The following SLC45A4 variants were observed in gnomAD, a reference collection of about 807,000 sequenced individuals.
The protein encoded by SLC45A4 is solute carrier family 45 member 4.
A neutral mutation model predicts 63.7 loss-of-function variants in SLC45A4; 32 were observed. The ratio of observed to expected loss-of-function variants is 0.50; its 90% CI spans 0.38 to 0.67. SLC45A4 has a LOEUF of 0.67. Among genes scored for constraint, SLC45A4 ranks in the 30% least tolerant of loss-of-function variants. SLC45A4 has a pLI of 0.00. For synonymous variants in SLC45A4, 535 were observed against 510.0 expected (o/e 1.05, Z -0.66); for missense variants, 1,027 against 1,157.7 (o/e 0.89, Z 1.64).
chr8:141,235,692 A>G (rs1174076838), intron 2 of SLC45A4, among the ~76,000 whole-genome samples: 1 of 152,186 alleles, frequency 6.6e-6, no homozygotes, highest in Non-Finnish European at 1.5e-5. Flanking sequence ...AAAAAACAAA[A>G]CAAACCATGC....
In SLC45A4 at chr8:141,254,253, A is replaced by T; in HGVS notation, c.-24T>A. On this transcript the variant is annotated 5_prime_UTR_variant, in exon 2 of 9. Transcript: ENST00000517878. The surrounding 1 kb of genome is among the most constrained non-coding windows in gnomAD (Gnocchi z 4.5). ...ATTACCACCAAAAATATATGTATTT[A>T]TCTATATATTCTATCTATATAAATA... 6.6e-7 allele frequency: 1 copy of T among 1,511,316 alleles called. No homozygotes were observed. Among genetic ancestry groups the T allele is most frequent in the Admixed American group, 2.1e-5 (1 of 47,178 alleles). 93.6% of individuals were successfully genotyped at this position (1,511,316 alleles called of 1,614,324 possible).
intron 2 of SLC45A4, among the ~76,000 whole-genome samples, chr8:141,231,865 CTGG>C (rs1236548361): frequency 1.3e-5 from 2 of 152,244 alleles, no homozygotes; most frequent in African/African-American, 4.8e-5. Flanking sequence ...TCAACAGCGC[CTGG>C]TGAGGGCAAA....
intron 1 of SLC45A4, among the ~76,000 whole-genome samples, chr8:141,279,036 A>G (rs1398922851): frequency 6.6e-6 from 1 of 151,874 alleles, no homozygotes; most frequent in Non-Finnish European, 1.5e-5. Context: ...CCTGGCTTCC[A>G]CACCTTCCAG....
intron 1 of SLC45A4, among the ~76,000 whole-genome samples, chr8:141,297,729 T>C (rs1202415316): frequency 3.9e-5 from 6 of 152,252 alleles, no homozygotes; most frequent in African/African-American, 1.4e-4. Context: ...ATCTAGGAAA[T>C]GGCAAAATGC....
chr8:141,237,482 G>T (rs563311490), intron 2 of SLC45A4, among the ~76,000 whole-genome samples: 1 of 152,308 alleles, frequency 6.6e-6, no homozygotes, highest in South Asian at 2.1e-4. Context: ...CTTTCTGTCT[G>T]CATTGCGCTG....
At chr8:141,255,300 A>C (rs1267717475) in intron 1 of SLC45A4, among the ~76,000 whole-genome samples, 1 of 151,798 alleles carries the variant, frequency 6.6e-6, no homozygotes, top group Non-Finnish European at 1.5e-5. Flanking sequence ...CTGGTATCCA[A>C]CTCCTGGGCT....
At chr8:141,283,962 C>T (rs577112457) in intron 1 of SLC45A4, among the ~76,000 whole-genome samples, 3 of 152,170 alleles carry the variant, frequency 2.0e-5, no homozygotes, top group African/African-American at 7.2e-5. Flanking sequence ...GGAGCTCATG[C>T]CACCTAAAGA....
rs1199910846 is a variant in SLC45A4, at chr8:141,218,516, T to C, written c.1124A>G (p.Asp375Gly). The C allele has an allele frequency of 3.1e-6, 5 of 1,613,498 alleles. No individual in the cohort carries two copies. Residue 375 changes from aspartate (D) to glycine (G), a missense_variant, in exon 5 of 9, where the codon GAT becomes GGT. Coordinates refer to ENST00000517878, the MANE Select transcript of SLC45A4 (RefSeq NM_001286646.2). ...GACTTTAGCTTCATTCAAGTGATTA[T>C]CCAGCAAGGTCTCGTCCTCCTTGGC... ...EAAKEDETLL[D>G]NHLNEAKVPN...
At chr8:141,211,953 C>T in intron 8 of SLC45A4, 1 of 1,271,380 alleles carries the variant, frequency 7.9e-7, no homozygotes, top group Non-Finnish European at 9.9e-7. Flanking sequence ...AAAAATATTT[C>T]AAATGATTCT....
rs146058900 is a variant in SLC45A4 at position 141,228,789 on chromosome 8, A to G, written c.242-7024T>C. Among the ~76,000 whole-genome samples the G allele has an allele frequency of 1.0e-3, 154 of 152,288 alleles. 1 individual carries two copies. Among genetic ancestry groups the G allele is most frequent in the African/African-American group, 3.6e-3 (150 of 41,552 alleles). ...CAATCAGTTCCAGAAGCCAACAGCT[A>G]CCCCAGGCCTTGGAAGAGAGAAAGG... On this transcript the variant is annotated intron_variant, in intron 2 of 8. Coordinates refer to ENST00000517878, the MANE Select transcript of SLC45A4 (RefSeq NM_001286646.2).
intron 1 of SLC45A4, among the ~76,000 whole-genome samples, chr8:141,294,147 G>C (rs548836230): frequency 6.6e-6 from 1 of 152,094 alleles, no homozygotes; most frequent in Non-Finnish European, 1.5e-5. Flanking sequence ...CAGGGTCTCC[G>C]TGGACCAGGG....
rs1336448161 is a variant in SLC45A4, at chr8:141,256,973, C to A, written c.-400-2344G>T. Among the ~76,000 whole-genome samples, 1 of 152,084 alleles carries A rather than the reference C, an allele frequency of 6.6e-6. No homozygotes were observed. Among genetic ancestry groups the A allele is most frequent in the Non-Finnish European group, 1.5e-5 (1 of 68,032 alleles). ...GCTTCAAGCGATTCTCCCGCCTCAG[C>A]CTCCTGAGTAGCTGGGATTACAGGC... On this transcript the variant is annotated intron_variant, in intron 1 of 8. Coordinates refer to ENST00000517878, the MANE Select transcript of SLC45A4 (RefSeq NM_001286646.2). This position sits in a 1 kb window ranked among gnomAD's most constrained non-coding sequence, Gnocchi z 4.3.
chr8:141,288,491 TG>T (rs1830234117), intron 1 of SLC45A4, among the ~76,000 whole-genome samples: 1 of 152,256 alleles, frequency 6.6e-6, no homozygotes, highest in Non-Finnish European at 1.5e-5. Context: ...GGACCACGCC[TG>T]GTTGGACCGC....
Position 141,218,597 on chromosome 8 carries a change from C to A in SLC45A4, c.1043G>T (p.Ser348Ile). 1 of 1,613,448 alleles carries A rather than the reference C, an allele frequency of 6.2e-7. No homozygotes were observed. The highest frequency in any genetic ancestry group is 8.5e-7 in the Non-Finnish European group (1 of 1,179,900). The change falls in exon 5 of 9, where the codon AGC (serine) becomes ATC (isoleucine). Residue 348 changes from serine to isoleucine, a missense_variant. Physicochemically the swap from Ser to Ile is moderately radical, Grantham distance 142 (BLOSUM62 -2). Coordinates refer to ENST00000517878, the MANE Select transcript of SLC45A4 (RefSeq NM_001286646.2). Reference sequence around the variant, plus strand: ...CAGCTTGGTCTTGGCGAGCTCCTGGCTGGTGCTGCGGGGGGTGGCGGGGTA... The same window carrying A: ...CAGCTTGGTCTTGGCGAGCTCCTGGATGGTGCTGCGGGGGGTGGCGGGGTA... ...ASYPATPRST[S>I]QELAKTKLPR...
intron 1 of SLC45A4, among the ~76,000 whole-genome samples, chr8:141,270,658 C>T (rs540673575): frequency 2.0e-5 from 3 of 152,242 alleles, no homozygotes; most frequent in African/African-American, 7.2e-5. Context: ...GTGACAGAGT[C>T]TCTGTCCCGT....
chr8:141,254,949 C>T lies in SLC45A4; in HGVS notation c.-400-320G>A, dbSNP rs1828700810. 6.6e-6 allele frequency among the ~76,000 whole-genome samples: 1 copy of T among 152,180 alleles called. No homozygotes were observed. Among genetic ancestry groups the T allele is most frequent in the Non-Finnish European group, 1.5e-5 (1 of 68,036 alleles). ...GTAACAATATCGTCCACCCTGTGTA[C>T]CACAGCACGTAACTATTCCAGCAGG... On this transcript the variant is annotated intron_variant, in intron 1 of 8. Transcript: ENST00000517878. This position sits in a 1 kb window ranked among gnomAD's most constrained non-coding sequence, Gnocchi z 4.5.
chr8:141,295,189 G>A (rs1830500347), intron 1 of SLC45A4, among the ~76,000 whole-genome samples: 1 of 152,214 alleles, frequency 6.6e-6, no homozygotes. Context: ...GCCAGGGAAG[G>A]CAGCCCCTGT....
intron 2 of SLC45A4, among the ~76,000 whole-genome samples, chr8:141,242,782 C>T (rs973487119): frequency 2.6e-5 from 4 of 152,176 alleles, no homozygotes; most frequent in African/African-American, 9.7e-5. Context: ...AGGCCCGAGA[C>T]TGGAGGCCAC....
At chr8:141,246,182 C>A (rs866419542) in intron 2 of SLC45A4, among the ~76,000 whole-genome samples, 1 of 152,186 alleles carries the variant, frequency 6.6e-6, no homozygotes, top group Non-Finnish European at 1.5e-5. Context: ...GGAAAAATTC[C>A]AATGTACCCA....
Sources: gnomAD v4.1 joint callset for allele counts (sites outside exome capture counted in the v4.1 genomes callset) on GRCh38, gnomAD v4.1.1 for gene constraint, Gnocchi (gnomAD v3.1) non-coding constraint, MANE v1.5 for transcripts, NCBI Gene and HGNC (gene_info 2026-07-23, HGNC 2026-07-21) for gene names.